Variants in OPHN1 observed in about 807,000 individuals in gnomAD.
The protein encoded by OPHN1 is oligophrenin-1.
A neutral mutation model predicts 60.7 loss-of-function variants in OPHN1; 11 were observed. The observed-to-expected ratio is 0.18, with a 90% CI of 0.11 to 0.30. The LOEUF (loss-of-function observed/expected upper bound fraction) is 0.30, where lower values mean the gene tolerates loss of function less well. Among genes scored for constraint, OPHN1 ranks in the 10% least tolerant of loss-of-function variants. The pLI is 1.00. For synonymous variants in OPHN1, 226 were observed against 222.6 expected (o/e 1.02, Z -0.14); for missense variants, 449 against 611.0 (o/e 0.73, Z 2.80).
At chrX:68,162,405 AT>A (rs1310619292) in intron 15 of OPHN1, among the ~76,000 whole-genome samples, 1 of 110,497 alleles carries the variant, frequency 9.1e-6, no homozygotes, top group African/African-American at 3.3e-5. Context: ...TAATAAAATA[AT>A]AAAAAAACTA....
At chrX:68,368,772 T>C (rs2147727213) in intron 2 of OPHN1, among the ~76,000 whole-genome samples, 1 of 112,103 alleles carries the variant, frequency 8.9e-6, no homozygotes, top group East Asian at 2.8e-4. Flanking sequence ...TAGCTCCTTG[T>C]ATTTCAGAAA....
chrX:68,187,096 A>G lies in OPHN1; in HGVS notation c.1276+5823T>C, dbSNP rs142144129. On this transcript the variant is annotated intron_variant, in intron 15 of 24. Transcript: ENST00000355520. ...CCTAAAGGTCTTACCACAGATTCCA[A>G]AAAGGAAGAATCAAGAATGACCTCG... Among the ~76,000 whole-genome samples, 698 of 112,134 alleles carry G rather than the reference A, an allele frequency of 6.2e-3. 8 individuals are homozygous for G. Among genetic ancestry groups the G allele is most frequent in the African/African-American group, 0.022 (668 of 30,870 alleles).
At chrX:68,190,418 G>T (rs5965512) in intron 15 of OPHN1, among the ~76,000 whole-genome samples, 6,483 of 111,955 alleles carry the variant, frequency 0.058, 460 homozygotes, top group African/African-American at 0.2. Flanking sequence ...AGGGATCGGG[G>T]TTGCCACTTT....
At chrX:68,415,533 A>G (rs2078789640) in intron 2 of OPHN1, among the ~76,000 whole-genome samples, 1 of 111,429 alleles carries the variant, frequency 9.0e-6, no homozygotes, top group Non-Finnish European at 1.9e-5. Flanking sequence ...GTATTACATC[A>G]TTATTAACTA....
intron 15 of OPHN1, among the ~76,000 whole-genome samples, chrX:68,186,475 T>TAAAA (rs748164914): frequency 3.5e-4 from 27 of 77,318 alleles, no homozygotes; most frequent in African/African-American, 1.3e-3. Flanking sequence ...AATATTACAG[T>TAAAA]AAAAAAAAAA....
intron 19 of OPHN1, among the ~76,000 whole-genome samples, chrX:68,076,249 C>T (rs2076953222): frequency 9.0e-6 from 1 of 110,569 alleles, no homozygotes; most frequent in African/African-American, 3.3e-5. Context: ...TAGGGAAATG[C>T]ATGCTAAAAA....
At chrX:68,322,335 G>A (rs1344919240) in intron 2 of OPHN1, among the ~76,000 whole-genome samples, 1 of 111,450 alleles carries the variant, frequency 9.0e-6, no homozygotes, top group African/African-American at 3.3e-5. Flanking sequence ...ATTTATCCCA[G>A]AGAAAACAAA....
chrX:68,223,105 C>T (rs1030302782), intron 6 of OPHN1, among the ~76,000 whole-genome samples: 19 of 111,509 alleles, frequency 1.7e-4, no homozygotes, highest in African/African-American at 6.2e-4. Flanking sequence ...TAAATTCATA[C>T]AGTCTCTATG....
chrX:68,252,576 C>T (rs182522622), intron 5 of OPHN1, among the ~76,000 whole-genome samples: 2 of 111,670 alleles, frequency 1.8e-5, no homozygotes, highest in Non-Finnish European at 3.8e-5. Context: ...ATAGAGTTGT[C>T]GAAAGGCTCA....
chrX:68,080,909 C>T (rs1006878896), intron 19 of OPHN1, among the ~76,000 whole-genome samples: 1 of 112,242 alleles, frequency 8.9e-6, no homozygotes, highest in Middle Eastern at 4.6e-3. Flanking sequence ...TGTATGAAGA[C>T]TTCTCTGATT....
At chrX:68,182,236 G>T (rs1602217818) in intron 15 of OPHN1, among the ~76,000 whole-genome samples, 2 of 84,368 alleles carry the variant, frequency 2.4e-5, no homozygotes, top group Admixed American at 3.4e-4. Context: ...TTCTCCACTA[G>T]GGGGTAGTTG....
chrX:68,219,596 C>A (rs759798682), intron 6 of OPHN1, among the ~76,000 whole-genome samples: 1 of 111,232 alleles, frequency 9.0e-6, no homozygotes, highest in Non-Finnish European at 1.9e-5. Flanking sequence ...GACCACAGTG[C>A]AATCAAACTA....
intron 5 of OPHN1, among the ~76,000 whole-genome samples, chrX:68,254,729 CT>C (rs1373327945): frequency 9.0e-6 from 1 of 110,810 alleles, no homozygotes. Flanking sequence ...GAAAAGAGCC[CT>C]TTATGGCTGG....
intron 2 of OPHN1, among the ~76,000 whole-genome samples, chrX:68,339,813 G>T (rs1301120183): frequency 3.6e-5 from 4 of 110,914 alleles, no homozygotes; most frequent in African/African-American, 1.3e-4. Context: ...ATGTTGGCCA[G>T]GTTGGTCTCA....
Position 68,234,565 on chromosome X carries a change from C to T in OPHN1, c.408G>A (p.Lys136=). ...GTAAAGAATAAAACCTCTCACCATC[C>T]TTTTCAAATTTCTTTTTCCGCTCCT... ...FTKERKKKFE[K]DGERFYSLLD... Residue 136 remains lysine (K), a synonymous_variant, in exon 6 of 25, where the codon AAG becomes AAA. Transcript: ENST00000355520. The T allele has an allele frequency of 1.7e-6, 2 of 1,207,524 alleles. No individual in the cohort carries two copies. Among genetic ancestry groups the T allele is most frequent in the Non-Finnish European group, 2.2e-6 (2 of 891,648 alleles).
At chrX:68,413,967 G>C (rs2078781847) in intron 2 of OPHN1, among the ~76,000 whole-genome samples, 1 of 111,558 alleles carries the variant, frequency 9.0e-6, no homozygotes, top group East Asian at 2.8e-4. Context: ...TAAGAACCAA[G>C]GCAGTAGACC....
intron 6 of OPHN1, among the ~76,000 whole-genome samples, chrX:68,223,674 T>G (rs2077674940): frequency 9.0e-6 from 1 of 110,912 alleles, no homozygotes; most frequent in Non-Finnish European, 1.9e-5. Flanking sequence ...CAAAAAACAC[T>G]TATACCCCTA....
At chrX:68,279,251 TA>T (rs1443229370) in intron 4 of OPHN1, among the ~76,000 whole-genome samples, 1 of 104,198 alleles carries the variant, frequency 9.6e-6, no homozygotes, top group African/African-American at 3.5e-5. Flanking sequence ...TAGCTGGGAC[TA>T]GAGATGCACG....
intron 2 of OPHN1, among the ~76,000 whole-genome samples, chrX:68,351,160 C>T (rs1364402418): frequency 9.0e-6 from 1 of 111,159 alleles, no homozygotes; most frequent in African/African-American, 3.3e-5. Flanking sequence ...AACTCCTGGC[C>T]TCGTGATCCA....
Sources: gnomAD v4.1 joint callset for allele counts (sites outside exome capture counted in the v4.1 genomes callset) on GRCh38, gnomAD v4.1.1 for gene constraint, MANE v1.5 for transcripts, NCBI Gene and HGNC (gene_info 2026-07-23, HGNC 2026-07-21) for gene names.